FAM184B: variants seen among roughly 807,000 people sequenced by gnomAD.
FAM184B encodes the protein protein FAM184B.
Under a neutral mutation model 135.9 loss-of-function variants are expected in FAM184B, and 111 were observed. The observed-to-expected ratio is 0.82, with a 90% CI of 0.70 to 0.96. FAM184B has a LOEUF of 0.96. Ranked by LOEUF, FAM184B falls within the 40% of genes least tolerant of loss-of-function variation. The pLI is 0.00. For synonymous variants in FAM184B, 552 were observed against 524.8 expected (o/e 1.05, Z -0.71); for missense variants, 1,375 against 1,323.9 (o/e 1.04, Z -0.60).
In FAM184B at chr4:17,714,285, C is replaced by A. The variant is rs892525922; in HGVS notation, c.142-4641G>T. ...GGTGAGGTCCTATGACTGGTGATTG[C>A]CAATGGAATTTGGGTAGATGGGGTG... On this transcript the variant is annotated intron_variant, in intron 1 of 17. Transcript: ENST00000265018. Among the ~76,000 whole-genome samples the A allele has an allele frequency of 6.6e-5, 10 of 152,248 alleles. No individual in the cohort carries two copies. The South Asian group carries it at 1.5e-3, about 22-fold the overall frequency.
At position 17,766,360 on chromosome 4, in the gene FAM184B, A is replaced by G. The variant is rs113374057; in HGVS notation, c.141+14799T>C. On this transcript the variant is annotated intron_variant, in intron 1 of 17. Coordinates refer to ENST00000265018, the MANE Select transcript of FAM184B (RefSeq NM_015688.2). ...ACAGAGCACTGATTGGTGCATTTAC[A>G]AACCTTGAGCTAGACCACAGGGTGC... Among the ~76,000 whole-genome samples the G allele has an allele frequency of 7.8e-3, 1,195 of 152,322 alleles. 18 individuals are homozygous for G. Among genetic ancestry groups the G allele is most frequent in the African/African-American group, 0.027 (1,139 of 41,566 alleles).
rs182762614 is a variant in FAM184B, at chr4:17,649,751, G to A, written c.2192-1960C>T. ...TCTTTACCAAATCATAAATTATAGGGTATTCATTCTTTACCCTCCTCTCTC... is the reference window on the plus strand; with the variant it reads ...TCTTTACCAAATCATAAATTATAGGATATTCATTCTTTACCCTCCTCTCTC... On this transcript the variant is annotated intron_variant, in intron 11 of 17. Transcript: ENST00000265018. Among the ~76,000 whole-genome samples the A allele has an allele frequency of 1.8e-3, 277 of 151,882 alleles. 2 individuals carry two copies. Among genetic ancestry groups the A allele is most frequent in the African/African-American group, 6.5e-3 (268 of 41,384 alleles).
Position 17,688,474 on chromosome 4 carries a change from C to T in FAM184B, c.1546G>A (p.Glu516Lys). The T allele has an allele frequency of 3.9e-6, 6 of 1,551,254 alleles. No individual in the cohort carries two copies. The highest frequency in any genetic ancestry group is 5.2e-6 in the Non-Finnish European group (6 of 1,146,902). ...QNKTRPTGAE[E>K]SPQELGRQHC... ...TGGCGGCCTAATTCCTGGGGACTTT[C>T]CTCAGCTCCTGTGGGGCGTGTCTTA... is the stretch of plus-strand genomic sequence containing the variant. Residue 516 changes from glutamate to lysine, a missense_variant, in exon 7 of 18, where the codon GAA (glutamate) becomes AAA (lysine). By Grantham distance (56) the Glu-to-Lys change is moderately conservative (BLOSUM62 1). Coordinates refer to ENST00000265018, the MANE Select transcript of FAM184B (RefSeq NM_015688.2).
intron 1 of FAM184B, among the ~76,000 whole-genome samples, chr4:17,747,004 C>T (rs1718181933): frequency 6.8e-6 from 1 of 147,592 alleles, no homozygotes; most frequent in African/African-American, 2.5e-5. Flanking sequence ...CGCCACTGCA[C>T]TCCATACTCC....
intron 1 of FAM184B, among the ~76,000 whole-genome samples, chr4:17,773,394 A>G (rs73800397): frequency 0.06 from 9,179 of 152,258 alleles, 899 homozygotes; most frequent in African/African-American, 0.21. Flanking sequence ...ATGAGTGAGA[A>G]GGCCCCATGA....
intron 1 of FAM184B, among the ~76,000 whole-genome samples, chr4:17,773,237 A>C (rs1718857248): frequency 6.6e-6 from 1 of 152,208 alleles, no homozygotes; most frequent in South Asian, 2.1e-4. Flanking sequence ...GTGCACACAA[A>C]GGATGAGTAA....
chr4:17,663,616 A>ACACACACAC (rs1491294770), intron 8 of FAM184B, among the ~76,000 whole-genome samples: 2 of 4,228 alleles, frequency 4.7e-4, no homozygotes, highest in South Asian at 0.1. Flanking sequence ...CCCATTCACA[A>ACACACACAC]CACACACACA....
chr4:17,709,277 G>A lies in FAM184B; in HGVS notation c.509C>T (p.Ala170Val), dbSNP rs1248213521. The A allele has an allele frequency of 2.6e-6, 4 of 1,548,650 alleles. No homozygotes were observed. Among genetic ancestry groups the A allele is most frequent in the Non-Finnish European group, 3.5e-6 (4 of 1,145,438 alleles). Reference sequence around the variant, plus strand: ...CTGGGGCAGCCGGCCCTGCGGGGTAGCCTCGTGGCTCGTCAGGTGCTGGAG... The same window carrying A: ...CTGGGGCAGCCGGCCCTGCGGGGTAACCTCGTGGCTCGTCAGGTGCTGGAG... ...RRLQHLTSHE[A>V]TPQGRLPQES... The change falls in exon 2 of 18, where the codon GCT (alanine) becomes GTT (valine). Residue 170 changes from alanine (A) to valine (V), a missense_variant. Ala to Val is a moderately conservative substitution (Grantham distance 64). Coordinates refer to ENST00000265018, the MANE Select transcript of FAM184B (RefSeq NM_015688.2).
intron 8 of FAM184B, 83 bp from the exon 9 acceptor site, chr4:17,660,170 T>C: frequency 1.3e-6 from 2 of 1,487,902 alleles, no homozygotes; most frequent in Non-Finnish European, 1.8e-6. Context: ...CCAGCCACTG[T>C]GCCTGGGAGG....
chr4:17,639,865 G>A (rs1161441504), intron 13 of FAM184B, among the ~76,000 whole-genome samples: 4 of 149,220 alleles, frequency 2.7e-5, no homozygotes, highest in African/African-American at 1.0e-4. Flanking sequence ...TCTTGCTCTT[G>A]TTGCTCAGGG....
At chr4:17,674,342 TTTA>T (rs1281225621) in intron 7 of FAM184B, among the ~76,000 whole-genome samples, 8 of 152,310 alleles carry the variant, frequency 5.3e-5, no homozygotes, top group South Asian at 2.1e-4. Flanking sequence ...TATACTATAG[TTTA>T]TTAAGTGTGC....
intron 1 of FAM184B, among the ~76,000 whole-genome samples, chr4:17,724,172 G>A (rs976417450): frequency 1.2e-4 from 18 of 151,714 alleles, no homozygotes; most frequent in Admixed American, 1.1e-3. Flanking sequence ...CATATGTATC[G>A]ACAAAGGAAA....
intron 11 of FAM184B, among the ~76,000 whole-genome samples, chr4:17,650,082 ATCCATCCATCCATCCTTCCTCCTG>A (rs1159064816): frequency 6.7e-6 from 1 of 149,000 alleles, no homozygotes; most frequent in Non-Finnish European, 1.5e-5. Context: ...CTGTCTGTCC[ATCCATCCATCCATCCTTCCTCCTG>A]TCCATCCATC....
In FAM184B at chr4:17,708,568, C is replaced by G. The variant is rs535254311; in HGVS notation, c.894+324G>C. ...ACTGAGGCAGGAGAATTGCTTGAAC[C>G]TGGGAGGTGGAGATTGCAGTGAGCT... On this transcript the variant is annotated intron_variant, in intron 2 of 17. Transcript: ENST00000265018. Among the ~76,000 whole-genome samples, 203 of 149,104 alleles carry G rather than the reference C, an allele frequency of 1.4e-3. 1 individual carries two copies. Among genetic ancestry groups the G allele is most frequent in the African/African-American group, 4.8e-3 (193 of 40,318 alleles).
chr4:17,723,880 A>T (rs917498705), intron 1 of FAM184B, among the ~76,000 whole-genome samples: 1 of 151,740 alleles, frequency 6.6e-6, no homozygotes, highest in Non-Finnish European at 1.5e-5. Flanking sequence ...CCACCACATG[A>T]CCTCTTTTGT....
chr4:17,773,923 C>A, intron 1 of FAM184B, among the ~76,000 whole-genome samples: 1 of 152,318 alleles, frequency 6.6e-6, no homozygotes, highest in African/African-American at 2.4e-5. Context: ...TACATGCTAT[C>A]CCACTCATTT....
chr4:17,775,857 G>A (rs1718914682), intron 1 of FAM184B, among the ~76,000 whole-genome samples: 1 of 152,232 alleles, frequency 6.6e-6, no homozygotes. Context: ...GTGGGAGGCT[G>A]CAGGGCGGAT....
chr4:17,711,837 A>G (rs1365520990), intron 1 of FAM184B, among the ~76,000 whole-genome samples: 14 of 152,168 alleles, frequency 9.2e-5, no homozygotes, highest in Non-Finnish European at 1.8e-4. Context: ...GGACAGGAGA[A>G]TGAGGGAGCT....
At chr4:17,724,341 A>C (rs567339338) in intron 1 of FAM184B, among the ~76,000 whole-genome samples, 1 of 152,278 alleles carries the variant, frequency 6.6e-6, no homozygotes, top group East Asian at 1.9e-4. Context: ...TTAAGGCTAA[A>C]GGTATACCAT....
Sources: gnomAD v4.1 joint callset for allele counts (sites outside exome capture counted in the v4.1 genomes callset) on GRCh38, gnomAD v4.1.1 for gene constraint, MANE v1.5 for transcripts, NCBI Gene and HGNC (gene_info 2026-07-23, HGNC 2026-07-21) for gene names.